The following CLSTN3 variants were observed in gnomAD, a reference collection of about 807,000 sequenced individuals.
CLSTN3 encodes calsyntenin 3, also known as calsyntenin-3.
In CLSTN3, 36 loss-of-function variants were observed where a neutral mutation model predicts 95.9. The observed-to-expected ratio is 0.38, with a 90% CI of 0.29 to 0.50. CLSTN3 has a LOEUF of 0.50. Ranked by LOEUF, CLSTN3 falls within the 20% of genes least tolerant of loss-of-function variation. CLSTN3 has a pLI of 0.95. For synonymous variants in CLSTN3, 481 were observed against 504.0 expected, an observed-to-expected ratio of 0.95 and a Z score of 0.61; for missense variants, 1,084 against 1,268.8, an observed-to-expected ratio of 0.85 and a Z score of 2.21.
At chr12:7,131,082 C>A (rs750103876) in intron 1 of CLSTN3, 4 of 412,126 alleles carry the variant, frequency 9.7e-6, no homozygotes, top group Non-Finnish European at 1.4e-5. Flanking sequence ...CGCGGCTCTC[C>A]CTTTCACTGG....
chr12:7,137,435 C>G lies in CLSTN3; in HGVS notation c.1210+325C>G, dbSNP rs767653131. On this transcript the variant is annotated intron_variant, in intron 7 of 17. Transcript: ENST00000266546. The surrounding 1 kb of genome is among the most constrained non-coding windows in gnomAD (Gnocchi z 4.4). ...AAGCCCCTCCATTGCAATGGGAAAG[C>G]CTGGGTAATGGTGTGCCCCATTCTT... The G allele has an allele frequency of 1.7e-5, 6 of 350,378 alleles. No homozygotes were observed. The highest frequency in any genetic ancestry group is 1.3e-4 in the South Asian group (4 of 30,670). The allele number at this position is 350,378 out of a possible 1,614,324, so 21.7% of individuals were successfully genotyped here. A position where few individuals can be genotyped will look rare whatever the true frequency, so the allele number is the denominator to read the frequency against.
rs74057835 is a variant in CLSTN3 at position 7,151,291 on chromosome 12, C to G, written c.2527+228C>G. On this transcript the variant is annotated intron_variant, in intron 16 of 17. Coordinates refer to ENST00000266546, the MANE Select transcript of CLSTN3 (RefSeq NM_014718.4). Reference sequence around the variant, plus strand: ...TGAGCCTTGTGTCATTGTAGGGATGCTTATGCCTGCAGTCATAAAGTCAGT... The same window carrying G: ...TGAGCCTTGTGTCATTGTAGGGATGGTTATGCCTGCAGTCATAAAGTCAGT... 3,957 of 474,274 alleles carry G rather than the reference C, an allele frequency of 8.3e-3. 125 individuals carry two copies. The highest frequency in any genetic ancestry group is 0.073 in the African/African-American group (3,624 of 49,796). The allele number at this position is 474,274 out of a possible 1,614,324, so 29.4% of individuals were successfully genotyped here.
intron 16 of CLSTN3, among the ~76,000 whole-genome samples, chr12:7,151,386 C>T (rs1401333593): frequency 6.6e-6 from 1 of 152,084 alleles, no homozygotes; most frequent in Non-Finnish European, 1.5e-5. Flanking sequence ...TCAAATTAGC[C>T]CTGGACCTAG....
rs1472789746 is a variant in CLSTN3 at position 7,157,471 on chromosome 12, C to T, written c.2528-18C>T. ...TGTGCCTAGTCACGCTCTGCTCACC[C>T]CCGCGCTCTCTCTGCAGTGATACCC... On this transcript the variant is annotated intron_variant, in intron 16 of 17. Coordinates refer to ENST00000266546, the MANE Select transcript of CLSTN3 (RefSeq NM_014718.4). This position sits in a 1 kb window ranked among gnomAD's most constrained non-coding sequence, Gnocchi z 5.9. 3.9e-6 allele frequency: 6 copies of T among 1,552,320 alleles called. No individual in the cohort carries two copies. Among genetic ancestry groups the T allele is most frequent in the Non-Finnish European group, 5.2e-6 (6 of 1,147,420 alleles).
chr12:7,153,427 G>A (rs746522432), intron 16 of CLSTN3, among the ~76,000 whole-genome samples: 10 of 152,294 alleles, frequency 6.6e-5, no homozygotes, highest in African/African-American at 1.9e-4. Flanking sequence ...TTACAGGTGT[G>A]AGCCGCCGCA....
At position 7,130,398 on chromosome 12, in the gene CLSTN3, A is replaced by C. The variant is rs1939272570; in HGVS notation, c.-251A>C. ...CCTGCAGTAGCGGGGTTGGGGTGGG[A>C]GTGAGAGAGTGAGGACGCTGGGCTG... On this transcript the variant is annotated 5_prime_UTR_variant, in exon 1 of 18. Transcript: ENST00000266546. 2 of 1,355,822 alleles carry C rather than the reference A, an allele frequency of 1.5e-6. No homozygotes were observed. Among genetic ancestry groups the C allele is most frequent in the Non-Finnish European group, 1.9e-6 (2 of 1,051,508 alleles). The allele number at this position is 1,355,822 out of a possible 1,614,324, so 84.0% of individuals were successfully genotyped here. A position where few individuals can be genotyped will look rare whatever the true frequency, so the allele number is the denominator to read the frequency against.
rs149017217 is a variant in CLSTN3 at position 7,143,654 on chromosome 12, C to T, written c.1847+343C>T. On this transcript the variant is annotated intron_variant, in intron 12 of 17. Transcript: ENST00000266546. ...ACCTGACATTAATTCTGACTCAATG[C>T]GAATTGCTTGGATAACCTCGGGCAA... Among the ~76,000 whole-genome samples the T allele has an allele frequency of 6.2e-4, 95 of 152,314 alleles. 1 individual carries two copies. The highest frequency in any genetic ancestry group is 2.0e-3 in the African/African-American group (85 of 41,566).
chr12:7,135,223 T>C, intron 3 of CLSTN3, 104 bp from the exon 4 acceptor site: 1 of 1,047,750 alleles, frequency 9.5e-7, no homozygotes, highest in South Asian at 1.5e-5. Flanking sequence ...TGATGTACCG[T>C]ATCGAGGCTG....
At chr12:7,142,809 C>T (rs923557644) in intron 10 of CLSTN3, 60 bp from the exon 11 acceptor site, 46 of 1,469,798 alleles carry the variant, frequency 3.1e-5, no homozygotes, top group Non-Finnish European at 4.0e-5. Context: ...TCTCAGCCTT[C>T]GTCCTTTTCC....
At position 7,149,227 on chromosome 12, in the gene CLSTN3, T is replaced by A. The variant is rs750144720; in HGVS notation, c.2074+29T>A. 1.3e-6 allele frequency: 2 copies of A among 1,563,028 alleles called. No individual in the cohort carries two copies. Among genetic ancestry groups the A allele is most frequent in the African/African-American group, 2.7e-5 (2 of 73,364 alleles). The stretch of plus-strand genomic sequence containing the variant: ...AGGACGACTTCGGGGAGTAACACCA[T>A]CCAGAGAACCAGCCAGTGTCTGGAG... On this transcript the variant is annotated intron_variant, in intron 13 of 17. Transcript: ENST00000266546. The surrounding 1 kb of genome is among the most constrained non-coding windows in gnomAD (Gnocchi z 4.5).
chr12:7,137,278 C>A lies in CLSTN3; in HGVS notation c.1210+168C>A. On this transcript the variant is annotated intron_variant, in intron 7 of 17. Coordinates refer to ENST00000266546, the MANE Select transcript of CLSTN3 (RefSeq NM_014718.4). This position sits in a 1 kb window ranked among gnomAD's most constrained non-coding sequence, Gnocchi z 4.4. ...ATTCTGTGCTTTATCCCCAACATGA[C>A]ATGTTGGATCGTACTGCTGTCAGAG... is the stretch of plus-strand genomic sequence containing the variant. 1 of 661,098 alleles carries A rather than the reference C, an allele frequency of 1.5e-6. No homozygotes were observed. The highest frequency in any genetic ancestry group is 2.5e-6 in the Non-Finnish European group (1 of 392,790). The allele number at this position is 661,098 out of a possible 1,614,324, so 41.0% of individuals were successfully genotyped here.
intron 16 of CLSTN3, chr12:7,156,622 C>T: frequency 2.2e-6 from 1 of 456,668 alleles, no homozygotes; most frequent in Admixed American, 2.3e-5. Flanking sequence ...GCGTGGCAAC[C>T]TTTGTGCAGC....
At chr12:7,139,933 T>G (rs1465429687) in intron 8 of CLSTN3, among the ~76,000 whole-genome samples, 1 of 152,170 alleles carries the variant, frequency 6.6e-6, no homozygotes, top group Non-Finnish European at 1.5e-5. Flanking sequence ...CGTGAGCCAC[T>G]GCGCCTGGCC....
At position 7,137,840 on chromosome 12, in the gene CLSTN3, G is replaced by A; in HGVS notation, c.1211-115G>A. 1.5e-6 allele frequency: 1 copy of A among 651,142 alleles called. No homozygotes were observed. Among genetic ancestry groups the A allele is most frequent in the Non-Finnish European group, 2.7e-6 (1 of 375,454 alleles). 40.3% of individuals were successfully genotyped at this position (651,142 alleles called of 1,614,324 possible). A position where few individuals can be genotyped will look rare whatever the true frequency, so the allele number is the denominator to read the frequency against. On this transcript the variant is annotated intron_variant, in intron 7 of 17. Coordinates refer to ENST00000266546, the MANE Select transcript of CLSTN3 (RefSeq NM_014718.4). The surrounding 1 kb of genome is among the most constrained non-coding windows in gnomAD (Gnocchi z 4.4). ...AGAGAGAGGAAAGAAAAATGCTAGAGAACGAGGGAATGAGAGAGGATTAAG... is the reference window on the plus strand; with the variant it reads ...AGAGAGAGGAAAGAAAAATGCTAGAAAACGAGGGAATGAGAGAGGATTAAG...
chr12:7,130,409 G>C lies in CLSTN3; in HGVS notation c.-240G>C. The C allele has an allele frequency of 6.9e-7, 1 of 1,441,358 alleles. No individual in the cohort carries two copies. Among genetic ancestry groups the C allele is most frequent in the African/African-American group, 1.4e-5 (1 of 70,370 alleles). The allele number at this position is 1,441,358 out of a possible 1,614,324, so 89.3% of individuals were successfully genotyped here. A position where few individuals can be genotyped will look rare whatever the true frequency, so the allele number is the denominator to read the frequency against. On this transcript the variant is annotated 5_prime_UTR_variant, in exon 1 of 18. Transcript: ENST00000266546. Reference sequence around the variant, plus strand: ...GGGGTTGGGGTGGGAGTGAGAGAGTGAGGACGCTGGGCTGGGGGAAACGGG... The same window carrying C: ...GGGGTTGGGGTGGGAGTGAGAGAGTCAGGACGCTGGGCTGGGGGAAACGGG...
intron 9 of CLSTN3, 45 bp from the exon 10 acceptor site, chr12:7,142,041 T>A: frequency 6.9e-7 from 1 of 1,448,860 alleles, no homozygotes; most frequent in Non-Finnish European, 9.4e-7. Flanking sequence ...TCTCTCCACA[T>A]CCCTGAGCTC....
Position 7,141,934 on chromosome 12 carries a change from A to G in CLSTN3, c.1487-152A>G. 1 of 620,756 alleles carries G rather than the reference A, an allele frequency of 1.6e-6. No homozygotes were observed. The highest frequency in any genetic ancestry group is 2.8e-6 in the Non-Finnish European group (1 of 356,598). 38.5% of individuals were successfully genotyped at this position (620,756 alleles called of 1,614,324 possible). On this transcript the variant is annotated intron_variant, in intron 9 of 17. Transcript: ENST00000266546. This position sits in a 1 kb window ranked among gnomAD's most constrained non-coding sequence, Gnocchi z 4.1. ...CAAAAGAAGGGTTGGGGCTGAGCTG[A>G]GAGGTTGCAAGTTATACATGGGCAG...
chr12:7,145,242 C>T (rs1364730102), intron 12 of CLSTN3, among the ~76,000 whole-genome samples: 1 of 152,148 alleles, frequency 6.6e-6, no homozygotes, highest in African/African-American at 2.4e-5. Flanking sequence ...GATGTTTTCT[C>T]TATGAGGTTA....
chr12:7,147,073 C>G (rs894468175), intron 12 of CLSTN3, among the ~76,000 whole-genome samples: 1 of 152,168 alleles, frequency 6.6e-6, no homozygotes, highest in Non-Finnish European at 1.5e-5. Flanking sequence ...TTACAGTCCT[C>G]TCTGTAAAAT....
Sources: gnomAD v4.1 joint callset for allele counts (sites outside exome capture counted in the v4.1 genomes callset) on GRCh38, gnomAD v4.1.1 for gene constraint, Gnocchi (gnomAD v3.1) non-coding constraint, MANE v1.5 for transcripts, NCBI Gene and HGNC (gene_info 2026-07-23, HGNC 2026-07-21) for gene names.